The following LRRC3B variants were observed in gnomAD, a reference collection of about 807,000 sequenced individuals.
The protein encoded by LRRC3B is leucine rich repeat containing 3B, also known as leucine-rich repeat-containing protein 3B.
Under a neutral mutation model 12.8 loss-of-function variants are expected in LRRC3B, and 2 were observed. That is an observed-to-expected ratio of 0.16 (90% confidence interval 0.06 to 0.49). The LOEUF is 0.49. LRRC3B is among the 20% of genes least tolerant of loss of function. The pLI is 0.96. For synonymous variants in LRRC3B, 132 were observed against 122.0 expected, an observed-to-expected ratio of 1.08 and a Z score of -0.54; for missense variants, 189 against 319.4, an observed-to-expected ratio of 0.59 and a Z score of 3.11.
At chr3:26,630,924 T>C (rs890260205) in intron 1 of LRRC3B, among the ~76,000 whole-genome samples, 6 of 152,104 alleles carry the variant, frequency 3.9e-5, no homozygotes, top group Non-Finnish European at 8.8e-5. Flanking sequence ...CCCGGGCAAA[T>C]GGTAATACAG....
intron 1 of LRRC3B, among the ~76,000 whole-genome samples, chr3:26,691,868 C>A (rs1700200801): frequency 6.6e-6 from 1 of 152,208 alleles, no homozygotes; most frequent in Admixed American, 6.5e-5. Context: ...TATGTCAGTT[C>A]TGTTTCATCA....
At chr3:26,667,552 C>T (rs1261252596) in intron 1 of LRRC3B, among the ~76,000 whole-genome samples, 1 of 152,142 alleles carries the variant, frequency 6.6e-6, no homozygotes, top group Non-Finnish European at 1.5e-5. Flanking sequence ...AAAGTATGGC[C>T]CCCACCCAGT....
chr3:26,694,671 G>T (rs1700265437), intron 1 of LRRC3B: 1 of 152,206 alleles, frequency 6.6e-6, no homozygotes, highest in African/African-American at 2.4e-5. Flanking sequence ...TATCAGAAAT[G>T]AAAGTTGAAC....
intron 1 of LRRC3B, among the ~76,000 whole-genome samples, chr3:26,683,710 G>C (rs1393451144): frequency 1.3e-5 from 2 of 152,154 alleles, no homozygotes; most frequent in African/African-American, 2.4e-5. Flanking sequence ...ACTCTGTTCA[G>C]CCCATTAGTT....
At chr3:26,699,204 T>G (rs1168842844) in intron 1 of LRRC3B, among the ~76,000 whole-genome samples, 1 of 152,166 alleles carries the variant, frequency 6.6e-6, no homozygotes, top group African/African-American at 2.4e-5. Context: ...GAGAATCATT[T>G]CCTAATTAGT....
intron 1 of LRRC3B, among the ~76,000 whole-genome samples, chr3:26,689,322 T>C (rs1700145422): frequency 6.6e-6 from 1 of 152,198 alleles, no homozygotes; most frequent in South Asian, 2.1e-4. Flanking sequence ...TTTCTCAAAC[T>C]TGTAGGCCAG....
chr3:26,643,258 G>GTGTGTA lies in LRRC3B; in HGVS notation c.-161+20026_-161+20027insATGTGT, dbSNP rs1553601874. On this transcript the variant is annotated intron_variant, in intron 1 of 1. Coordinates refer to ENST00000396641, the Ensembl canonical transcript of LRRC3B. ...TTTGTATACACACATATGTGTGAGTGTGTGTGTGTGTGTGTGTGTATACAT... is the reference window on the plus strand; with the variant it reads ...TTTGTATACACACATATGTGTGAGTGTGTGTATGTGTGTGTGTGTGTGTGTATACAT... 2.2e-5 allele frequency among the ~76,000 whole-genome samples: 3 copies of GTGTGTA among 135,168 alleles called. No individual in the cohort carries two copies. The East Asian group carries it at 6.5e-4, about 29-fold the overall frequency. The allele number at this position is 135,168 out of a possible 152,430, so 88.7% of individuals were successfully genotyped here.
At chr3:26,683,433 A>T (rs1308374138) in intron 1 of LRRC3B, among the ~76,000 whole-genome samples, 1 of 152,246 alleles carries the variant, frequency 6.6e-6, no homozygotes, top group Admixed American at 6.5e-5. Context: ...TAGGCCAAAC[A>T]TAAGCTCTAG....
At chr3:26,670,445 T>C (rs1265446056) in intron 1 of LRRC3B, among the ~76,000 whole-genome samples, 1 of 152,224 alleles carries the variant, frequency 6.6e-6, no homozygotes, top group Non-Finnish European at 1.5e-5. Context: ...TCTTGTTCAT[T>C]CTACCACTTA....
chr3:26,633,723 C>T (rs1698808205), intron 1 of LRRC3B, among the ~76,000 whole-genome samples: 1 of 152,108 alleles, frequency 6.6e-6, no homozygotes, highest in Non-Finnish European at 1.5e-5. Flanking sequence ...GAAAAGGGAA[C>T]AGAATAATGA....
At chr3:26,706,179 G>T (rs768187527) in intron 1 of LRRC3B, among the ~76,000 whole-genome samples, 5 of 152,024 alleles carry the variant, frequency 3.3e-5, no homozygotes, top group Non-Finnish European at 5.9e-5. Context: ...TTTTATAAGG[G>T]CACGAACTCC....
intron 1 of LRRC3B, among the ~76,000 whole-genome samples, chr3:26,676,253 G>A (rs1209425927): frequency 8.6e-6 from 1 of 115,656 alleles, no homozygotes; most frequent in Non-Finnish European, 1.7e-5. Flanking sequence ...CCCACAACAG[G>A]CCCTGGTGTG....
chr3:26,694,395 G>GTGTT (rs1354494481), intron 1 of LRRC3B, among the ~76,000 whole-genome samples: 2 of 152,176 alleles, frequency 1.3e-5, no homozygotes, highest in Non-Finnish European at 2.9e-5. Context: ...CTCAGAAAGA[G>GTGTT]TGTTTTTCAG....
intron 1 of LRRC3B, among the ~76,000 whole-genome samples, chr3:26,678,716 A>T (rs1221037691): frequency 3.9e-5 from 6 of 152,202 alleles, no homozygotes; most frequent in Non-Finnish European, 5.9e-5. Context: ...GATTCATAGA[A>T]CCAGATATAA....
intron 1 of LRRC3B, among the ~76,000 whole-genome samples, chr3:26,682,119 A>G (rs1197520296): frequency 6.6e-6 from 1 of 152,078 alleles, no homozygotes; most frequent in African/African-American, 2.4e-5. Context: ...GTATCCACCT[A>G]TCTGGGGACT....
intron 1 of LRRC3B, among the ~76,000 whole-genome samples, chr3:26,680,599 C>T (rs1206681143): frequency 2.0e-5 from 3 of 152,230 alleles, no homozygotes; most frequent in Non-Finnish European, 2.9e-5. Context: ...CATGTCACAG[C>T]GTGCAATTCC....
At chr3:26,644,408 C>A (rs1318807081) in intron 1 of LRRC3B, among the ~76,000 whole-genome samples, 1 of 152,150 alleles carries the variant, frequency 6.6e-6, no homozygotes, top group Non-Finnish European at 1.5e-5. Context: ...TATTTCACAT[C>A]TACTTCATAT....
chr3:26,666,145 A>G (rs1014511436), intron 1 of LRRC3B, among the ~76,000 whole-genome samples: 2 of 152,298 alleles, frequency 1.3e-5, no homozygotes, highest in Non-Finnish European at 2.9e-5. Context: ...CCTTTGCAAG[A>G]GTACTGAGTA....
At chr3:26,682,130 A>G (rs929987021) in intron 1 of LRRC3B, among the ~76,000 whole-genome samples, 1 of 152,156 alleles carries the variant, frequency 6.6e-6, no homozygotes, top group African/African-American at 2.4e-5. Context: ...TCTGGGGACT[A>G]TGGTTGACCA....
Sources: allele counts gnomAD v4.1 joint callset (sites outside exome capture counted in the v4.1 genomes callset), GRCh38; gene constraint gnomAD v4.1.1; transcripts MANE v1.5; gene names NCBI Gene and HGNC (gene_info 2026-07-23, HGNC 2026-07-21).